The following NSG1 variants were observed in gnomAD, a reference collection of about 807,000 sequenced individuals.
NSG1 encodes the protein neuronal vesicle trafficking-associated protein 1.
A neutral mutation model predicts 19.3 loss-of-function variants in NSG1; 9 were observed. The observed-to-expected ratio is 0.47, with a 90% CI of 0.28 to 0.81. NSG1 has a LOEUF of 0.81. Among genes scored for constraint, NSG1 ranks in the 40% least tolerant of loss-of-function variants. The pLI, the probability that NSG1 is intolerant of heterozygous loss-of-function variation, is 0.11. For missense variants in NSG1, 236 were observed against 242.4 expected (o/e 0.97, Z 0.18); for synonymous variants, 104 against 107.0 (o/e 0.97, Z 0.17).
At chr4:4,414,843 G>T (rs1488296165) in intron 4 of NSG1, among the ~76,000 whole-genome samples, 5 of 151,976 alleles carry the variant, frequency 3.3e-5, no homozygotes, top group Non-Finnish European at 7.4e-5. Context: ...GAGGGGACAG[G>T]CTTTTTCTGG....
chr4:4,406,404 A>G (rs1309350694), intron 3 of NSG1, among the ~76,000 whole-genome samples: 1 of 152,226 alleles, frequency 6.6e-6, no homozygotes, highest in Non-Finnish European at 1.5e-5. Flanking sequence ...TCAGATGCAC[A>G]GAATAAAATG....
chr4:4,399,553 A>G (rs1723440008), intron 3 of NSG1, among the ~76,000 whole-genome samples: 1 of 151,046 alleles, frequency 6.6e-6, no homozygotes, highest in South Asian at 2.1e-4. Context: ...TGATTTGTAA[A>G]TATTTTCTAC....
chr4:4,402,640 G>A (rs189513702), intron 3 of NSG1, among the ~76,000 whole-genome samples: 2 of 151,446 alleles, frequency 1.3e-5, no homozygotes, highest in Non-Finnish European at 2.9e-5. Context: ...CGCCCGCCTC[G>A]GCCTCCCAAA....
chr4:4,411,954 A>G (rs1280266609), intron 4 of NSG1, among the ~76,000 whole-genome samples: 1 of 152,154 alleles, frequency 6.6e-6, no homozygotes, highest in Non-Finnish European at 1.5e-5. Context: ...ACTGTCAAGT[A>G]TTATGTTCTG....
At chr4:4,416,836 C>A (rs1261987515) in intron 4 of NSG1, among the ~76,000 whole-genome samples, 1 of 152,172 alleles carries the variant, frequency 6.6e-6, no homozygotes, top group African/African-American at 2.4e-5. Context: ...CTGCTGAGAA[C>A]CTAGCTCAAG....
At chr4:4,387,561 C>CCGGGGGGGGGTGG in intron 1 of NSG1, 43 bp from the exon 2 acceptor site, 1 of 1,141,990 alleles carries the variant, frequency 8.8e-7, no homozygotes, top group Non-Finnish European at 1.2e-6. Context: ...CGCCCCGCCC[C>CCGGGGGGGGGTGG]GGGTCTTGCT....
At chr4:4,399,132 T>TTG (rs1009122863) in intron 3 of NSG1, among the ~76,000 whole-genome samples, 55 of 152,200 alleles carry the variant, frequency 3.6e-4, no homozygotes, top group Non-Finnish European at 5.9e-5. Flanking sequence ...TTTAATCAGT[T>TTG]TGTTTGTGTT....
In NSG1 at chr4:4,403,398, C is replaced by T. The variant is rs182343534; in HGVS notation, c.247-6175C>T. On this transcript the variant is annotated intron_variant, in intron 3 of 4. Transcript: ENST00000621129. ...CCCTGCCGCTTCTGTCTTCTGGAAT[C>T]ACATGGGGCTCATGGTCCCGTCCTC... is the stretch of plus-strand genomic sequence containing the variant. Among the ~76,000 whole-genome samples, 158 of 152,318 alleles carry T rather than the reference C, an allele frequency of 1.0e-3. 1 individual carries two copies. The highest frequency in any genetic ancestry group is 0.01 in the Middle Eastern group (3 of 294).
intron 3 of NSG1, among the ~76,000 whole-genome samples, chr4:4,404,693 G>A (rs1723759232): frequency 6.6e-6 from 1 of 152,226 alleles, no homozygotes; most frequent in Admixed American, 6.5e-5. Flanking sequence ...ATCATCCAAT[G>A]TTCCAGAATT....
At chr4:4,399,037 A>G (rs1723412105) in intron 3 of NSG1, among the ~76,000 whole-genome samples, 1 of 152,224 alleles carries the variant, frequency 6.6e-6, no homozygotes, top group Admixed American at 6.5e-5. Context: ...CCTAATGGCT[A>G]ATGATGTCCT....
intron 3 of NSG1, among the ~76,000 whole-genome samples, chr4:4,403,143 G>A (rs1476657319): frequency 3.3e-5 from 5 of 152,350 alleles, no homozygotes; most frequent in Non-Finnish European, 7.3e-5. Context: ...CATCTTCTCT[G>A]TGCCAGATGT....
intron 3 of NSG1, among the ~76,000 whole-genome samples, chr4:4,409,044 C>T (rs537425985): frequency 6.6e-6 from 1 of 152,358 alleles, no homozygotes; most frequent in East Asian, 1.9e-4. Context: ...CATGGGAAAC[C>T]GCCGAGGGCG....
At chr4:4,413,332 G>A (rs1724321052) in intron 4 of NSG1, among the ~76,000 whole-genome samples, 2 of 151,726 alleles carry the variant, frequency 1.3e-5, no homozygotes, top group South Asian at 4.2e-4. Context: ...GGTGAGCCAG[G>A]GAGCTTGCGG....
At position 4,417,708 on chromosome 4, in the gene NSG1, TA is replaced by T; in HGVS notation, c.*280del. On this transcript the variant is annotated 3_prime_UTR_variant, in exon 5 of 5. Coordinates refer to ENST00000621129, the MANE Select transcript of NSG1 (RefSeq NM_014392.5). ...CTTTACTGGGATTTATTGGATGCTG[TA>T]AAAAAATAAATTTACACTGGATATG... is the stretch of plus-strand genomic sequence containing the variant. The T allele has an allele frequency of 4.3e-6, 2 of 465,736 alleles. No homozygotes were observed. The highest frequency in any genetic ancestry group is 2.2e-5 in the South Asian group (1 of 44,608). 28.9% of individuals were successfully genotyped at this position (465,736 alleles called of 1,614,324 possible). A position where few individuals can be genotyped will look rare whatever the true frequency, so the allele number is the denominator to read the frequency against.
At chr4:4,394,814 G>A (rs6856236) in intron 3 of NSG1, among the ~76,000 whole-genome samples, 97,289 of 152,092 alleles carry the variant, frequency 0.64, 31,330 homozygotes, top group Admixed American at 0.7. Flanking sequence ...GGGTCTGCCC[G>A]TGGGTCCTTG....
At chr4:4,392,903 T>C (rs1220575865) in intron 3 of NSG1, among the ~76,000 whole-genome samples, 6 of 152,162 alleles carry the variant, frequency 3.9e-5, no homozygotes, top group Non-Finnish European at 2.9e-5. Context: ...AGAGGCTCTT[T>C]TGGTGGCTCC....
intron 4 of NSG1, among the ~76,000 whole-genome samples, chr4:4,413,943 C>T (rs1255101389): frequency 1.3e-5 from 2 of 151,834 alleles, no homozygotes; most frequent in Non-Finnish European, 2.9e-5. Context: ...CTGAGGGAGG[C>T]CGATGTCATG....
At chr4:4,402,932 C>T (rs1723646029) in intron 3 of NSG1, among the ~76,000 whole-genome samples, 2 of 152,242 alleles carry the variant, frequency 1.3e-5, no homozygotes, top group South Asian at 4.1e-4. Flanking sequence ...TGCTTCCTTC[C>T]CAGGCGAGAT....
chr4:4,415,863 G>C (rs147340123), intron 4 of NSG1: 1 of 520,636 alleles, frequency 1.9e-6, no homozygotes, highest in South Asian at 2.2e-5. Flanking sequence ...GGGGCGTGGC[G>C]GTGAGGCTGG....
Sources: allele counts gnomAD v4.1 joint callset (sites outside exome capture counted in the v4.1 genomes callset), GRCh38; gene constraint gnomAD v4.1.1; transcripts MANE v1.5; gene names NCBI Gene and HGNC (gene_info 2026-07-23, HGNC 2026-07-21).